The following C2CD5 variants were observed in gnomAD, a reference collection of about 807,000 sequenced individuals.
C2CD5 encodes C2 calcium dependent domain containing 5, also known as C2 domain-containing protein 5.
In C2CD5, 109 loss-of-function variants were observed where a neutral mutation model predicts 130.3. The ratio of observed to expected loss-of-function variants is 0.84; its 90% CI spans 0.72 to 0.98. The LOEUF (loss-of-function observed/expected upper bound fraction) is 0.98, where lower values mean the gene tolerates loss of function less well. C2CD5 is among the 50% of genes least tolerant of loss of function. The probability of loss-of-function intolerance (pLI) is 0.00; values close to 1 mark genes in which losing one functional copy is unlikely to be tolerated. For synonymous variants in C2CD5, 454 were observed against 429.2 expected, an observed-to-expected ratio of 1.06 and a Z score of -0.71; for missense variants, 996 against 1,261.8, an observed-to-expected ratio of 0.79 and a Z score of 3.19.
At chr12:22,511,615 G>T (rs987362429) in intron 9 of C2CD5, among the ~76,000 whole-genome samples, 2 of 152,196 alleles carry the variant, frequency 1.3e-5, no homozygotes, top group Non-Finnish European at 2.9e-5. Context: ...TGTCCAATGT[G>T]TAAATGTGTC....
At chr12:22,469,582 A>T (rs1018721115) in intron 22 of C2CD5, 127 bp downstream of exon 22, 13 of 509,812 alleles carry the variant, frequency 2.5e-5, no homozygotes, top group Non-Finnish European at 4.2e-5. Context: ...GAATATGAAG[A>T]AACATATAAT....
intron 2 of C2CD5, among the ~76,000 whole-genome samples, chr12:22,539,942 A>C (rs899256119): frequency 6.6e-6 from 1 of 150,742 alleles, no homozygotes; most frequent in African/African-American, 2.4e-5. Flanking sequence ...CAGTGAGCTG[A>C]GATCACGCCA....
In C2CD5 at chr12:22,522,843, C is replaced by T. The variant is rs181722278; in HGVS notation, c.800+583G>A. Among the ~76,000 whole-genome samples the T allele has an allele frequency of 4.1e-4, 63 of 152,234 alleles. 1 individual carries two copies. Among genetic ancestry groups the T allele is most frequent in the Middle Eastern group, 3.4e-3 (1 of 294 alleles). On this transcript the variant is annotated intron_variant, in intron 7 of 26. Transcript: ENST00000446597. Reference sequence around the variant, plus strand: ...AAATGCCACACAATGCTTGAATATTCATTTTATGCTTTATATATGCAGTGT... The same window carrying T: ...AAATGCCACACAATGCTTGAATATTTATTTTATGCTTTATATATGCAGTGT...
chr12:22,535,336 A>G lies in C2CD5; in HGVS notation c.99T>C (p.Phe33=), dbSNP rs1325217719. The G allele has an allele frequency of 1.9e-6, 3 of 1,548,770 alleles. No individual in the cohort carries two copies. The highest frequency in any genetic ancestry group is 2.7e-6 in the Non-Finnish European group (3 of 1,121,796). The change falls in exon 3 of 27, where the codon TTT becomes TTC. Residue 33 remains phenylalanine, a synonymous_variant. Coordinates refer to ENST00000446597, the MANE Select transcript of C2CD5 (RefSeq NM_001286176.2). ...CATCTGTTTTAAAGGTGGTATTACC[A>G]AATTTTACCTAAAAACAAATAAGAA... ...DLTDAFVEVK[F]GNTTFKTDVY... is the part of the protein sequence containing the mutation.
At chr12:22,493,481 C>A (rs1382783460) in intron 10 of C2CD5, 144 bp from the exon 11 acceptor site, 9 of 518,962 alleles carry the variant, frequency 1.7e-5, no homozygotes, top group Non-Finnish European at 2.4e-5. Flanking sequence ...TAAAATGCTA[C>A]TTCTCAAAAG....
intron 6 of C2CD5, 131 bp downstream of exon 6, chr12:22,524,341 C>T: frequency 1.4e-6 from 1 of 696,718 alleles, no homozygotes; most frequent in Non-Finnish European, 2.4e-6. Context: ...GGAAGACTGG[C>T]CCAGGGGAAG....
rs1389785653 is a variant in C2CD5, at chr12:22,458,475, T to C, written c.2686+9A>G. On this transcript the variant is annotated intron_variant, in intron 24 of 26. Transcript: ENST00000446597. ...AGATTATCATAATGTGGTAGAAACA[T>C]CCGCCTACTTGTCTTAATTGATCCA... is the stretch of plus-strand genomic sequence containing the variant. 6 of 1,202,456 alleles carry C rather than the reference T, an allele frequency of 5.0e-6. No homozygotes were observed. In the African/African-American group the frequency reaches 9.4e-5, roughly 19 times the overall value. The allele number at this position is 1,202,456 out of a possible 1,614,324, so 74.5% of individuals were successfully genotyped here.
At position 22,448,825 on chromosome 12, in the gene C2CD5, AG is replaced by A. The variant is rs1183338759; in HGVS notation, c.*934del. 6.6e-6 allele frequency: 1 copy of A among 152,610 alleles called. No homozygotes were observed. Among genetic ancestry groups the A allele is most frequent in the Non-Finnish European group, 1.5e-5 (1 of 68,026 alleles). 9.5% of individuals were successfully genotyped at this position (152,610 alleles called of 1,614,324 possible). A position where few individuals can be genotyped will look rare whatever the true frequency, so the allele number is the denominator to read the frequency against. On this transcript the variant is annotated 3_prime_UTR_variant, in exon 27 of 27. Transcript: ENST00000446597. ...TCTATGTATACATTCAACATTTTGC[AG>A]CATATTTACATTCAAGTTACATTTC...
At chr12:22,529,568 C>T (rs2137123903) in intron 3 of C2CD5, among the ~76,000 whole-genome samples, 1 of 152,176 alleles carries the variant, frequency 6.6e-6, no homozygotes, top group Middle Eastern at 3.4e-3. Flanking sequence ...AAGAATTAAT[C>T]ATAATGAATT....
At chr12:22,458,424 A>G in intron 24 of C2CD5, 60 bp downstream of exon 24, 1 of 759,302 alleles carries the variant, frequency 1.3e-6, no homozygotes, top group Non-Finnish European at 1.8e-6. Flanking sequence ...AGCTTTCACC[A>G]CTGGGAAATC....
chr12:22,516,634 C>CA (rs1021446286), intron 8 of C2CD5, among the ~76,000 whole-genome samples: 6 of 148,172 alleles, frequency 4.0e-5, no homozygotes, highest in East Asian at 2.0e-4. Flanking sequence ...TGTGGTATGG[C>CA]AAAAAAAATA....
intron 7 of C2CD5, among the ~76,000 whole-genome samples, chr12:22,520,316 TTC>T (rs773615662): frequency 2.0e-5 from 3 of 152,182 alleles, no homozygotes; most frequent in Non-Finnish European, 4.4e-5. Flanking sequence ...GATCTTTTCT[TTC>T]TTTTCCATTG....
chr12:22,481,287 GTA>G (rs1158509536), intron 14 of C2CD5, among the ~76,000 whole-genome samples: 2 of 152,084 alleles, frequency 1.3e-5, no homozygotes, highest in East Asian at 1.9e-4. Flanking sequence ...ACCTACAAAT[GTA>G]TAGAGACAAA....
intron 7 of C2CD5, chr12:22,519,184 T>C (rs768161587): frequency 4.1e-5 from 63 of 1,535,638 alleles, no homozygotes; most frequent in Non-Finnish European, 5.1e-5. Context: ...GCAGTGTGAA[T>C]TGGGCTGTTG....
At chr12:22,484,103 A>G (rs1945119965) in intron 13 of C2CD5, among the ~76,000 whole-genome samples, 1 of 152,170 alleles carries the variant, frequency 6.6e-6, no homozygotes, top group Admixed American at 6.6e-5. Flanking sequence ...TTATACATAA[A>G]GGTAGGAAAA....
At chr12:22,530,967 C>G (rs968500862) in intron 3 of C2CD5, among the ~76,000 whole-genome samples, 2 of 152,088 alleles carry the variant, frequency 1.3e-5, no homozygotes, top group African/African-American at 4.8e-5. Context: ...CTTGCCTCCT[C>G]CCACCATTCC....
At chr12:22,529,642 T>C (rs1033337697) in intron 3 of C2CD5, among the ~76,000 whole-genome samples, 1 of 152,150 alleles carries the variant, frequency 6.6e-6, no homozygotes, top group African/African-American at 2.4e-5. Flanking sequence ...ATTAAGACTT[T>C]CTGAGAAATG....
chr12:22,532,014 T>C (rs1951325782), intron 3 of C2CD5, among the ~76,000 whole-genome samples: 1 of 152,218 alleles, frequency 6.6e-6, no homozygotes, highest in Non-Finnish European at 1.5e-5. Context: ...AAACGCTGAA[T>C]GTCTATCCAA....
intron 12 of C2CD5, among the ~76,000 whole-genome samples, chr12:22,487,113 C>T (rs1305363491): frequency 1.3e-5 from 2 of 152,140 alleles, no homozygotes; most frequent in African/African-American, 4.8e-5. Flanking sequence ...TAGAAGAAAA[C>T]CTAGGCAATA....
Sources: gnomAD v4.1 joint callset for allele counts (sites outside exome capture counted in the v4.1 genomes callset) on GRCh38, gnomAD v4.1.1 for gene constraint, MANE v1.5 for transcripts, NCBI Gene and HGNC (gene_info 2026-07-23, HGNC 2026-07-21) for gene names.